The following MAN2A1 variants were observed in gnomAD, a reference collection of about 807,000 sequenced individuals.
MAN2A1 encodes alpha-mannosidase 2.
MAN2A1 carries 76 observed loss-of-function variants against 142.6 expected under a neutral mutation model. The ratio of observed to expected loss-of-function variants is 0.53; its 90% confidence interval spans 0.44 to 0.65. The LOEUF is 0.65. Among genes scored for constraint, MAN2A1 ranks in the 30% least tolerant of loss-of-function variants. The pLI, the probability that MAN2A1 is intolerant of heterozygous loss-of-function variation, is 0.00. For missense variants in MAN2A1, 1,311 were observed against 1,365.1 expected (o/e 0.96, Z 0.62); for synonymous variants, 559 against 473.2 (o/e 1.18, Z -2.35).
chr5:109,696,519 T>G (rs1561464262), intron 1 of MAN2A1, among the ~76,000 whole-genome samples: 1 of 152,250 alleles, frequency 6.6e-6, no homozygotes, highest in East Asian at 1.9e-4. Context: ...TATCCAGGCT[T>G]TGTAACCTCT....
Position 109,734,555 on chromosome 5 carries a change from A to T in MAN2A1, c.707+5042A>T, listed in dbSNP as rs1475643687. Among the ~76,000 whole-genome samples, 4 of 152,026 alleles carry T rather than the reference A, an allele frequency of 2.6e-5. No individual in the cohort carries two copies. The South Asian group carries it at 6.2e-4, about 24-fold the overall frequency. On this transcript the variant is annotated intron_variant, in intron 4 of 21. Coordinates refer to ENST00000261483, the MANE Select transcript of MAN2A1 (RefSeq NM_002372.4). ...ACACTGCTTTGAATGTGTCCCAGAG[A>T]TTCTGGTATGTTGTGTCTTTCTTCT...
chr5:109,705,928 T>G (rs1751118232), intron 1 of MAN2A1, among the ~76,000 whole-genome samples: 1 of 152,226 alleles, frequency 6.6e-6, no homozygotes, highest in Non-Finnish European at 1.5e-5. Flanking sequence ...TATGATTACA[T>G]TGGGCCTACT....
chr5:109,797,136 G>C (rs1390105525), intron 12 of MAN2A1, among the ~76,000 whole-genome samples: 1 of 152,144 alleles, frequency 6.6e-6, no homozygotes, highest in East Asian at 1.9e-4. Flanking sequence ...TGATTGAAAG[G>C]TTGTCATAGG....
chr5:109,781,644 T>G (rs755583741), intron 9 of MAN2A1, 46 bp downstream of exon 9: 1 of 1,299,340 alleles, frequency 7.7e-7, no homozygotes. Context: ...CACTTTATAT[T>G]ATCATAATCT....
intron 12 of MAN2A1, among the ~76,000 whole-genome samples, chr5:109,803,269 A>G (rs1217764105): frequency 6.6e-6 from 1 of 152,068 alleles, no homozygotes. Flanking sequence ...TTCTTGAAAA[A>G]TAAAGGCAGA....
chr5:109,839,009 CTTTATTTCAT>C (rs1204191237), intron 16 of MAN2A1, among the ~76,000 whole-genome samples: 1 of 152,130 alleles, frequency 6.6e-6, no homozygotes, highest in African/African-American at 2.4e-5. Context: ...TTTGTTAAGG[CTTTATTTCAT>C]TTCATGTATT....
In MAN2A1 at chr5:109,789,026, C is replaced by T. The variant is rs1477735139; in HGVS notation, c.1853C>T (p.Ser618Phe). 3 of 1,576,682 alleles carry T rather than the reference C, an allele frequency of 1.9e-6. No individual in the cohort carries two copies. The African/African-American group carries it at 4.1e-5, about 21-fold the overall frequency. The change falls in exon 11 of 22, where the codon TCT becomes TTT. Residue 618 changes from serine to phenylalanine, a missense_variant. Coordinates refer to ENST00000261483, the MANE Select transcript of MAN2A1 (RefSeq NM_002372.4). ...GACAAACTCACATACGACTCTTACT[C>T]TCCTGATACCTTCCTGGAGATGGTT... ...LKDKLTYDSY[S>F]PDTFLEMDLK...
chr5:109,782,524 C>A (rs570652794), intron 9 of MAN2A1, among the ~76,000 whole-genome samples: 44 of 152,172 alleles, frequency 2.9e-4, no homozygotes, highest in Middle Eastern at 3.4e-3. Flanking sequence ...ATGTATAGAC[C>A]AGTAAAGTAA....
chr5:109,774,315 A>G (rs1753225252), intron 7 of MAN2A1, among the ~76,000 whole-genome samples: 1 of 152,110 alleles, frequency 6.6e-6, no homozygotes, highest in East Asian at 1.9e-4. Flanking sequence ...ACTTTTTTCT[A>G]TGTTTAATCA....
intron 3 of MAN2A1, among the ~76,000 whole-genome samples, chr5:109,723,175 C>T (rs753031580): frequency 1.3e-5 from 2 of 152,162 alleles, no homozygotes; most frequent in Non-Finnish European, 2.9e-5. Context: ...ATAGGTTCCT[C>T]TGGTGTGGGG....
In MAN2A1 at chr5:109,713,661, A is replaced by G. The variant is rs1443324088; in HGVS notation, c.277A>G (p.Asn93Asp). The G allele has an allele frequency of 2.5e-6, 4 of 1,614,092 alleles. No homozygotes were observed. Among genetic ancestry groups the G allele is most frequent in the Non-Finnish European group, 3.4e-6 (4 of 1,180,040 alleles). The change falls in exon 2 of 22, where the codon AAT (asparagine) becomes GAT (aspartate). Residue 93 changes from asparagine (N) to aspartate (D), a missense_variant. Around this residue, in one of 3 missense-constraint regions of MAN2A1, gnomAD observed 409 missense variants for 412.7 expected, o/e 0.99. Transcript: ENST00000261483. ...VEDGPKSSQS[N>D]FSQGAGSHLL... ...GGATGGTCCGAAAAGTTCACAAAGC[A>G]ATTTCAGCCAAGGTGCTGGCTCACA...
intron 10 of MAN2A1, among the ~76,000 whole-genome samples, chr5:109,785,864 A>G (rs1178210600): frequency 6.6e-6 from 1 of 152,136 alleles, no homozygotes; most frequent in Non-Finnish European, 1.5e-5. Flanking sequence ...TTCTTAAAGA[A>G]TAGATTTTAA....
At chr5:109,714,094 C>T (rs1242991670) in intron 2 of MAN2A1, among the ~76,000 whole-genome samples, 2 of 150,892 alleles carry the variant, frequency 1.3e-5, no homozygotes, top group East Asian at 1.9e-4. Context: ...TTTTTTTTAC[C>T]TTCCTTTGGA....
chr5:109,690,231 G>A lies in MAN2A1; in HGVS notation c.-187G>A. ...GGGGAGGGCGGCAGGCCAGGGCGAA[G>A]GCCAAGGGCGTGTGGTGGCGCCGGA... On this transcript the variant is annotated 5_prime_UTR_variant, in exon 1 of 22. Transcript: ENST00000261483. The A allele has an allele frequency of 1.6e-6, 1 of 623,928 alleles. No homozygotes were observed. Among genetic ancestry groups the A allele is most frequent in the Non-Finnish European group, 2.8e-6 (1 of 351,762 alleles). 38.6% of individuals were successfully genotyped at this position (623,928 alleles called of 1,614,324 possible). A position where few individuals can be genotyped will look rare whatever the true frequency, so the allele number is the denominator to read the frequency against.
intron 19 of MAN2A1, among the ~76,000 whole-genome samples, chr5:109,850,224 A>T (rs1194029158): frequency 6.6e-6 from 1 of 152,176 alleles, no homozygotes; most frequent in African/African-American, 2.4e-5. Context: ...CATATGAATG[A>T]ATATCGAAAT....
intron 6 of MAN2A1, among the ~76,000 whole-genome samples, chr5:109,769,091 T>A (rs1753069270): frequency 6.6e-6 from 1 of 152,156 alleles, no homozygotes; most frequent in Non-Finnish European, 1.5e-5. Context: ...GTATGGAGTA[T>A]GTCCTTATCC....
chr5:109,817,397 G>A lies in MAN2A1; in HGVS notation c.2068G>A (p.Val690Ile). The A allele has an allele frequency of 6.2e-7, 1 of 1,614,064 alleles. No individual in the cohort carries two copies. Among genetic ancestry groups the A allele is most frequent in the Non-Finnish European group, 8.5e-7 (1 of 1,179,986 alleles). Residue 690 changes from valine (V) to isoleucine (I), a missense_variant, in exon 13 of 22, where the codon GTT becomes ATT. Around this residue, in one of 3 missense-constraint regions of MAN2A1, gnomAD observed 890 missense variants for 920.5 expected, o/e 0.97. Transcript: ENST00000261483. The stretch of plus-strand genomic sequence containing the variant: ...ACCTGTGGAAGTTCAAGTCAGCGCA[G>A]TTTGGGATACAGCAAATACTATTTC... Reference protein sequence around the residue: ...GKPVEVQVSAVWDTANTISET... With the variant: ...GKPVEVQVSAIWDTANTISET...
At chr5:109,730,998 C>T (rs1423367560) in intron 4 of MAN2A1, among the ~76,000 whole-genome samples, 1 of 152,114 alleles carries the variant, frequency 6.6e-6, no homozygotes, top group Non-Finnish European at 1.5e-5. Flanking sequence ...TTCTGTTTGA[C>T]TGTAATTGTT....
chr5:109,739,444 A>AT (rs1287638785), intron 4 of MAN2A1, among the ~76,000 whole-genome samples: 1 of 151,728 alleles, frequency 6.6e-6, no homozygotes, highest in East Asian at 1.9e-4. Context: ...TTTCATATGC[A>AT]TTTTTAATTT....
Sources: allele counts gnomAD v4.1 joint callset (sites outside exome capture counted in the v4.1 genomes callset), GRCh38; gene constraint gnomAD v4.1.1; regional missense constraint gnomAD v4.1.1; transcripts MANE v1.5; gene names NCBI Gene and HGNC (gene_info 2026-07-23, HGNC 2026-07-21).